The following RPS6KA2 variants were observed in gnomAD, a reference collection of about 807,000 sequenced individuals.
The protein encoded by RPS6KA2 is ribosomal protein S6 kinase alpha-2.
Under a neutral mutation model 91.8 loss-of-function variants are expected in RPS6KA2, and 42 were observed. That is an observed-to-expected ratio of 0.46 (90% CI 0.36 to 0.59). The LOEUF (loss-of-function observed/expected upper bound fraction) is 0.59. Among genes scored for constraint, RPS6KA2 ranks in the 20% least tolerant of loss-of-function variants. RPS6KA2 has a pLI of 0.00. For synonymous variants in RPS6KA2, 414 were observed against 393.6 expected, an observed-to-expected ratio of 1.05 and a Z score of -0.61; for missense variants, 798 against 978.5, an observed-to-expected ratio of 0.82 and a Z score of 2.46.
At chr6:166,676,692 C>T (rs182241554) in intron 2 of RPS6KA2, among the ~76,000 whole-genome samples, 1 of 152,344 alleles carries the variant, frequency 6.6e-6, no homozygotes, top group Admixed American at 6.5e-5. Flanking sequence ...TGAAACTCCA[C>T]AGCCATCTGC....
intron 2 of RPS6KA2, among the ~76,000 whole-genome samples, chr6:166,670,029 G>C (rs947285443): frequency 6.6e-6 from 1 of 152,254 alleles, no homozygotes; most frequent in Non-Finnish European, 1.5e-5. Context: ...GGCATCCAGA[G>C]ATGAGGGCAC....
At chr6:166,480,508 T>TAG (rs1781169605) in intron 10 of RPS6KA2, among the ~76,000 whole-genome samples, 1 of 104,524 alleles carries the variant, frequency 9.6e-6, no homozygotes, top group Non-Finnish European at 2.0e-5. Context: ...TATATATATA[T>TAG]ATATATAATA....
chr6:166,823,484 C>T (rs1336780444), intron 2 of RPS6KA2, among the ~76,000 whole-genome samples: 1 of 146,992 alleles, frequency 6.8e-6, no homozygotes, highest in East Asian at 2.0e-4. Flanking sequence ...TAAAGGGTGA[C>T]CTTATCTTTA....
chr6:166,589,557 T>C (rs1241315882), intron 1 of RPS6KA2, among the ~76,000 whole-genome samples: 2 of 152,192 alleles, frequency 1.3e-5, no homozygotes, highest in Non-Finnish European at 2.9e-5. Context: ...GAAGGCTGCA[T>C]AAACAATGTC....
At chr6:166,464,906 C>T (rs1780463215) in intron 11 of RPS6KA2, among the ~76,000 whole-genome samples, 1 of 152,242 alleles carries the variant, frequency 6.6e-6, no homozygotes, top group African/African-American at 2.4e-5. Flanking sequence ...ACCGTCCCCA[C>T]ACTTACTGTC....
chr6:166,499,413 A>C (rs139753160), intron 7 of RPS6KA2, among the ~76,000 whole-genome samples: 164 of 152,284 alleles, frequency 1.1e-3, no homozygotes, highest in African/African-American at 3.5e-3. Context: ...GAAGGGACTG[A>C]TATGGTTTAG....
intron 2 of RPS6KA2, among the ~76,000 whole-genome samples, chr6:166,756,620 G>T (rs1778017139): frequency 6.6e-6 from 1 of 152,110 alleles, no homozygotes; most frequent in African/African-American, 2.4e-5. Flanking sequence ...GGCCAAGGTG[G>T]GTGGATCACC....
chr6:166,572,587 G>A (rs1353223912), intron 1 of RPS6KA2, among the ~76,000 whole-genome samples: 1 of 152,240 alleles, frequency 6.6e-6, no homozygotes. Flanking sequence ...TTCCCTGCCT[G>A]TTGCCCTGTG....
intron 16 of RPS6KA2, among the ~76,000 whole-genome samples, chr6:166,424,583 A>T: frequency 6.6e-6 from 1 of 152,324 alleles, no homozygotes. Flanking sequence ...AGAGAGTGGG[A>T]GTCCAACCCC....
intron 1 of RPS6KA2, among the ~76,000 whole-genome samples, chr6:166,860,332 C>T (rs1164496674): frequency 6.6e-6 from 1 of 152,184 alleles, no homozygotes; most frequent in African/African-American, 2.4e-5. Context: ...TTTAATGTAT[C>T]CAATTTTCCT....
chr6:166,505,856 G>A lies in RPS6KA2; in HGVS notation c.460-1244C>T, dbSNP rs185775386. ...TGCTCAGTGGACTGACTGACAGCACGTTCTGCTAGTGGCCTGGTTCTTTCC... is the reference window on the plus strand; with the variant it reads ...TGCTCAGTGGACTGACTGACAGCACATTCTGCTAGTGGCCTGGTTCTTTCC... On this transcript the variant is annotated intron_variant, in intron 5 of 20. Coordinates refer to ENST00000265678, the MANE Select transcript of RPS6KA2 (RefSeq NM_021135.6). 7.2e-5 allele frequency among the ~76,000 whole-genome samples: 11 copies of A among 152,374 alleles called. No homozygotes were observed. The East Asian group carries it at 9.6e-4, about 13-fold the overall frequency.
At chr6:166,705,602 A>C (rs1789659142) in intron 2 of RPS6KA2, among the ~76,000 whole-genome samples, 1 of 152,244 alleles carries the variant, frequency 6.6e-6, no homozygotes, top group Non-Finnish European at 1.5e-5. Flanking sequence ...AAAAAAGAAG[A>C]AAGAAGCAAG....
rs1280121312 is a variant in RPS6KA2 at position 166,563,138 on chromosome 6, G to T, written c.100-24354C>A. 6.6e-6 allele frequency among the ~76,000 whole-genome samples: 1 copy of T among 152,222 alleles called. No homozygotes were observed. Among genetic ancestry groups the T allele is most frequent in the East Asian group, 1.9e-4 (1 of 5,200 alleles). ...AGATCCAGCCTGCAATGACTGGAGGGTGGGAGTGGACGAAGTTTATTCTGG... is the reference window on the plus strand; with the variant it reads ...AGATCCAGCCTGCAATGACTGGAGGTTGGGAGTGGACGAAGTTTATTCTGG... On this transcript the variant is annotated intron_variant, in intron 1 of 20. Transcript: ENST00000265678. The surrounding 1 kb of genome is among the most constrained non-coding windows in gnomAD (Gnocchi z 4.1).
At chr6:166,447,521 G>A (rs914160349) in intron 14 of RPS6KA2, among the ~76,000 whole-genome samples, 4 of 152,202 alleles carry the variant, frequency 2.6e-5, no homozygotes, top group East Asian at 1.9e-4. Context: ...ACAGCAAAGC[G>A]TTTTCCCAGT....
At chr6:166,502,473 AGCTGTAAGGATCAC>A (rs1782059054) in intron 6 of RPS6KA2, among the ~76,000 whole-genome samples, 7 of 152,208 alleles carry the variant, frequency 4.6e-5, no homozygotes, top group Admixed American at 2.0e-4. Flanking sequence ...GGCTATTTTT[AGCTGTAAGGATCAC>A]GCTGACCTTC....
chr6:166,751,862 C>G (rs1270680946), intron 2 of RPS6KA2, among the ~76,000 whole-genome samples: 1 of 151,754 alleles, frequency 6.6e-6, no homozygotes, highest in Non-Finnish European at 1.5e-5. Context: ...GGACCAAGGA[C>G]AGCATGGAGC....
intron 1 of RPS6KA2, among the ~76,000 whole-genome samples, chr6:166,543,074 C>G (rs1388356178): frequency 1.3e-5 from 2 of 152,174 alleles, no homozygotes; most frequent in African/African-American, 4.8e-5. Flanking sequence ...CAAGCCAGCA[C>G]TGTTCTGCTG....
chr6:166,534,674 T>G (rs894079955), intron 2 of RPS6KA2, among the ~76,000 whole-genome samples: 1 of 152,248 alleles, frequency 6.6e-6, no homozygotes, highest in Non-Finnish European at 1.5e-5. Context: ...ATGTTAGGCC[T>G]TAAAGATGAG....
At chr6:166,561,064 A>C (rs1037963121) in intron 1 of RPS6KA2, among the ~76,000 whole-genome samples, 3 of 152,138 alleles carry the variant, frequency 2.0e-5, no homozygotes, top group Admixed American at 6.5e-5. Flanking sequence ...TCCACCATTA[A>C]AACAAAAAAC....
Sources: gnomAD v4.1 joint callset for allele counts (sites outside exome capture counted in the v4.1 genomes callset) on GRCh38, gnomAD v4.1.1 for gene constraint, Gnocchi (gnomAD v3.1) non-coding constraint, MANE v1.5 for transcripts, NCBI Gene and HGNC (gene_info 2026-07-23, HGNC 2026-07-21) for gene names.